SLC44A5: variants seen among roughly 807,000 people sequenced by gnomAD.
SLC44A5 encodes choline transporter-like protein 5.
In SLC44A5, 57 loss-of-function variants were observed where a neutral mutation model predicts 101.8. The observed-to-expected ratio is 0.56, with a 90% CI of 0.45 to 0.70. The LOEUF is 0.70. Ranked by LOEUF, SLC44A5 falls within the 30% of genes least tolerant of loss-of-function variation. The probability of loss-of-function intolerance (pLI) is 0.00; values close to 1 mark genes in which losing one functional copy is unlikely to be tolerated. For missense variants in SLC44A5, 737 were observed against 853.1 expected, an observed-to-expected ratio of 0.86 and a Z score of 1.70; for synonymous variants, 281 against 290.9, an observed-to-expected ratio of 0.97 and a Z score of 0.35.
At chr1:75,392,687 A>G (rs116207421) in intron 3 of SLC44A5, among the ~76,000 whole-genome samples, 5,291 of 152,294 alleles carry the variant, frequency 0.035, 127 homozygotes, top group Non-Finnish European at 0.052. Flanking sequence ...GTTCTACCAA[A>G]AAGACACCTG....
At chr1:75,698,801 T>G in the SLC44A5 span, among the ~76,000 whole-genome samples, 1 of 152,068 alleles carries the variant, frequency 6.6e-6, no homozygotes, top group East Asian at 1.9e-4. Context: ...TATAGAGAAG[T>G]GCTTAAAGGA....
At chr1:75,247,343 C>T (rs140275280) in intron 7 of SLC44A5, among the ~76,000 whole-genome samples, 1 of 152,074 alleles carries the variant, frequency 6.6e-6, no homozygotes, top group African/African-American at 2.4e-5. Flanking sequence ...GGGTGGGGAA[C>T]AATTTTAGGG....
the SLC44A5 span, among the ~76,000 whole-genome samples, chr1:75,712,713 A>AAAAATAGAAAAAAAAAAAAAAAAAAAAC: frequency 9.0e-6 from 1 of 110,640 alleles, no homozygotes; most frequent in African/African-American, 3.5e-5. Context: ...AAAAAAAAAA[A>AAAAATAGAAAAAAAAAAAAAAAAAAAAC]ATGGAAAAGA....
chr1:75,596,827 A>T (rs1387554832), intron 1 of SLC44A5, among the ~76,000 whole-genome samples: 1 of 152,092 alleles, frequency 6.6e-6, no homozygotes, highest in Non-Finnish European at 1.5e-5. Context: ...TATACAACAA[A>T]CCCACAGTCA....
chr1:75,603,787 C>CT (rs1469481226), intron 1 of SLC44A5, among the ~76,000 whole-genome samples: 2 of 39,820 alleles, frequency 5.0e-5, no homozygotes, highest in East Asian at 6.6e-4. Flanking sequence ...TGTATGTCTT[C>CT]TTTTTTTTAA....
chr1:75,314,470 C>T (rs1043851869), intron 4 of SLC44A5, among the ~76,000 whole-genome samples: 1 of 152,150 alleles, frequency 6.6e-6, no homozygotes, highest in Non-Finnish European at 1.5e-5. Context: ...CTTTCAGTTA[C>T]TGGAAAAATG....
At chr1:75,691,019 G>A in the SLC44A5 span, among the ~76,000 whole-genome samples, 1 of 151,910 alleles carries the variant, frequency 6.6e-6, no homozygotes, top group Non-Finnish European at 1.5e-5. Flanking sequence ...CATAAAGGTG[G>A]AGGCCCCAAA....
intron 3 of SLC44A5, among the ~76,000 whole-genome samples, chr1:75,356,455 T>A (rs1009930125): frequency 2.0e-5 from 3 of 151,834 alleles, no homozygotes; most frequent in Non-Finnish European, 4.4e-5. Flanking sequence ...GTTCATAGAA[T>A]AAGGATATAA....
chr1:75,431,430 C>T (rs1570257700), intron 2 of SLC44A5, among the ~76,000 whole-genome samples: 2 of 152,106 alleles, frequency 1.3e-5, no homozygotes, highest in Non-Finnish European at 2.9e-5. Flanking sequence ...GGTTACACTA[C>T]TTTAAATGAA....
At chr1:75,286,791 A>G (rs997377204) in intron 5 of SLC44A5, among the ~76,000 whole-genome samples, 3 of 152,022 alleles carry the variant, frequency 2.0e-5, no homozygotes, top group African/African-American at 7.2e-5. Context: ...AATCCTTTCT[A>G]GCTTGCAGGG....
intron 2 of SLC44A5, among the ~76,000 whole-genome samples, chr1:75,506,211 T>A (rs1393714208): frequency 6.6e-6 from 1 of 152,202 alleles, no homozygotes; most frequent in African/African-American, 2.4e-5. Context: ...TTGGTCTGTA[T>A]GTCTGTTTTT....
intron 2 of SLC44A5, among the ~76,000 whole-genome samples, chr1:75,419,969 T>C (rs1367086846): frequency 6.6e-6 from 1 of 152,140 alleles, no homozygotes; most frequent in East Asian, 1.9e-4. Context: ...AAAATTCATA[T>C]GTTAAAATCT....
At chr1:75,472,940 G>T (rs1483746214) in intron 2 of SLC44A5, among the ~76,000 whole-genome samples, 1 of 152,148 alleles carries the variant, frequency 6.6e-6, no homozygotes, top group African/African-American at 2.4e-5. Flanking sequence ...ATGCACTAAA[G>T]ACTTCTGTGT....
In SLC44A5 at chr1:75,441,527, A is replaced by C. The variant is rs550345201; in HGVS notation, c.14-44906T>G. Among the ~76,000 whole-genome samples the C allele has an allele frequency of 2.6e-5, 4 of 152,052 alleles. No individual in the cohort carries two copies. The South Asian group carries it at 6.2e-4, about 24-fold the overall frequency. ...AAAACAAATAGAGAGGCCAAAGGTG[A>C]AAAAACAGTATATAACTAATTATAA... On this transcript the variant is annotated intron_variant, in intron 2 of 23. Transcript: ENST00000370859.
At chr1:75,393,462 T>C (rs142584172) in intron 3 of SLC44A5, among the ~76,000 whole-genome samples, 1,658 of 152,338 alleles carry the variant, frequency 0.011, 22 homozygotes, top group Non-Finnish European at 0.018. Flanking sequence ...TAAAGTAATA[T>C]ATGTTTATGT....
At chr1:75,463,293 G>A (rs962565265) in intron 2 of SLC44A5, among the ~76,000 whole-genome samples, 36 of 151,896 alleles carry the variant, frequency 2.4e-4, no homozygotes, top group African/African-American at 8.2e-4. Flanking sequence ...GGTGGCAGGC[G>A]CCTGTAGTCC....
At chr1:75,333,836 CAAG>C (rs199761190) in intron 4 of SLC44A5, among the ~76,000 whole-genome samples, 1,741 of 152,214 alleles carry the variant, frequency 0.011, 31 homozygotes, top group African/African-American at 0.04. Context: ...GAAGACATTC[CAAG>C]AAGAGCCAAT....
chr1:75,616,347 C>CGGCGG, the SLC44A5 span, among the ~76,000 whole-genome samples: 1 of 152,152 alleles, frequency 6.6e-6, no homozygotes, highest in Non-Finnish European at 1.5e-5. Flanking sequence ...ACGGTGGCGG[C>CGGCGG]GGCGGGGAGC....
chr1:75,203,856 GTAAA>G, intron 23 of SLC44A5, 23 bp from the exon 24 acceptor site: 2 of 1,535,556 alleles, frequency 1.3e-6, no homozygotes, highest in South Asian at 2.5e-5. Context: ...ATGGTACAGA[GTAAA>G]TATCAAAGCA....
Sources: allele counts gnomAD v4.1 joint callset (sites outside exome capture counted in the v4.1 genomes callset), GRCh38; gene constraint gnomAD v4.1.1; transcripts MANE v1.5; gene names NCBI Gene and HGNC (gene_info 2026-07-23, HGNC 2026-07-21).